The following CIB1 variants were observed in gnomAD, a reference collection of about 807,000 sequenced individuals.
CIB1 encodes the protein calcium and integrin binding 1.
CIB1 carries 19 observed loss-of-function variants against 25.0 expected under a neutral mutation model. The ratio of observed to expected loss-of-function variants is 0.76; its 90% confidence interval spans 0.53 to 1.12. The LOEUF is 1.12. Among genes scored for constraint, CIB1 ranks in the 50% most tolerant of loss-of-function variants. The probability of loss-of-function intolerance (pLI) is 0.00; values close to 1 mark genes in which losing one functional copy is unlikely to be tolerated. For synonymous variants in CIB1, 104 were observed against 98.5 expected (o/e 1.06, Z -0.33); for missense variants, 236 against 242.6 (o/e 0.97, Z 0.18).
chr15:90,241,138 G>A, the CIB1 span: 10 of 1,613,956 alleles, frequency 6.2e-6, no homozygotes, highest in African/African-American at 1.3e-5. Flanking sequence ...GGGCTGTTTC[G>A]CTACCGTCTA....
the CIB1 span, chr15:90,257,044 A>G: frequency 8.2e-7 from 1 of 1,213,018 alleles, no homozygotes; most frequent in Non-Finnish European, 1.2e-6. Context: ...TTATTGTGGA[A>G]ATTCAATTAG....
the CIB1 span, chr15:90,250,815 C>A: frequency 1.9e-6 from 3 of 1,614,116 alleles, no homozygotes; most frequent in South Asian, 3.3e-5. Flanking sequence ...ACAAAAATTC[C>A]GAAGAAAGTC....
chr15:90,233,942 A>T (rs1962573335), upstream of CIB1: 1 of 1,433,552 alleles, frequency 7.0e-7, no homozygotes, highest in South Asian at 1.5e-5. Context: ...CAACTTTCTC[A>T]CTTCCGCCCT....
At chr15:90,255,854 A>G in the CIB1 span, 1 of 1,614,148 alleles carries the variant, frequency 6.2e-7, no homozygotes, top group Admixed American at 1.7e-5. Context: ...TGAGTACAAC[A>G]TCTTCCCCCG....
chr15:90,258,790 A>T, the CIB1 span: 1 of 1,614,216 alleles, frequency 6.2e-7, no homozygotes, highest in Non-Finnish European at 8.5e-7. Context: ...TTGATCAAGA[A>T]GTAAAGGATG....
the CIB1 span, chr15:90,262,380 C>G: frequency 1.6e-6 from 2 of 1,234,764 alleles, no homozygotes; most frequent in African/African-American, 3.0e-5. Context: ...GCTCTCGCAT[C>G]AGTCCTAAGA....
At chr15:90,257,907 C>T in the CIB1 span, 212 of 973,944 alleles carry the variant, frequency 2.2e-4, 1 homozygote, top group South Asian at 3.2e-3. Context: ...GATAACTAGT[C>T]CCTGCTCCAA....
chr15:90,241,316 C>A, the CIB1 span: 2 of 1,614,118 alleles, frequency 1.2e-6, no homozygotes, highest in African/African-American at 2.7e-5. Context: ...AAGTCCTCTT[C>A]CGTTTGCACC....
At chr15:90,242,201 C>T in the CIB1 span, 1 of 670,064 alleles carries the variant, frequency 1.5e-6, no homozygotes, top group Non-Finnish European at 2.4e-6. Context: ...GATCCTCCCA[C>T]CTCAGCCTCT....
At chr15:90,257,409 T>C in the CIB1 span, 2 of 1,372,270 alleles carry the variant, frequency 1.5e-6, no homozygotes, top group Non-Finnish European at 2.0e-6. Context: ...AGCTGCAGCA[T>C]CTAGCTGGGA....
chr15:90,241,573 A>G, the CIB1 span: 1 of 1,613,320 alleles, frequency 6.2e-7, no homozygotes, highest in African/African-American at 1.3e-5. Context: ...CTGCATGGCT[A>G]TTACCTGGCC....
the CIB1 span, chr15:90,265,590 C>T: frequency 7.1e-7 from 1 of 1,412,640 alleles, no homozygotes; most frequent in East Asian, 2.5e-5. Context: ...TTACCCCCAC[C>T]AAGTGAAGCG....
chr15:90,236,054 T>C (rs1002462281), upstream of CIB1: 2 of 152,178 alleles, frequency 1.3e-5, no homozygotes, highest in African/African-American at 4.8e-5. Context: ...TTCTTTTTTT[T>C]TGAGACAGAG....
chr15:90,234,234 C>A (rs1962583238), upstream of CIB1: 3 of 249,448 alleles, frequency 1.2e-5, no homozygotes, highest in East Asian at 1.4e-4. Flanking sequence ...GTCATGACCT[C>A]GCTGTGGCCC....
chr15:90,256,657 C>A, the CIB1 span, among the ~76,000 whole-genome samples: 1 of 147,662 alleles, frequency 6.8e-6, no homozygotes. Flanking sequence ...TTCTCCCTTT[C>A]CTTCCCTTCC....
Position 90,230,453 on chromosome 15 carries a change from C to T in CIB1, c.*31G>A, listed in dbSNP as rs2151634162. 1.3e-6 allele frequency: 2 copies of T among 1,551,304 alleles called. No individual in the cohort carries two copies. Among genetic ancestry groups the T allele is most frequent in the East Asian group, 2.4e-5 (1 of 40,914 alleles). On this transcript the variant is annotated 3_prime_UTR_variant, in exon 7 of 7. Transcript: ENST00000328649. ...GCTCAGCAGTAGAAAGGTTCTTGGA[C>T]AGGGTGCCAGGACACACGCTGGGGC...
the CIB1 span, chr15:90,265,090 C>A: frequency 7.5e-7 from 1 of 1,325,484 alleles, no homozygotes; most frequent in Non-Finnish European, 1.0e-6. Context: ...CCCAGGAACC[C>A]CATTTGTATA....
chr15:90,240,308 G>T, the CIB1 span, among the ~76,000 whole-genome samples: 41 of 152,110 alleles, frequency 2.7e-4, no homozygotes, highest in South Asian at 8.5e-3. Context: ...AGGAGTTCAA[G>T]ACCGGCCTGG....
chr15:90,260,093 GT>G, the CIB1 span, among the ~76,000 whole-genome samples: 1 of 152,216 alleles, frequency 6.6e-6, no homozygotes, highest in Non-Finnish European at 1.5e-5. Context: ...AGACTGGACT[GT>G]GTACCTGAGG....
Sources: gnomAD v4.1 joint callset for allele counts (sites outside exome capture counted in the v4.1 genomes callset) on GRCh38, gnomAD v4.1.1 for gene constraint, MANE v1.5 for transcripts, NCBI Gene and HGNC (gene_info 2026-07-23, HGNC 2026-07-21) for gene names.